Variants in FBXO33 observed in about 807,000 individuals in gnomAD.
FBXO33 encodes the protein F-box protein 33, also known as F-box only protein 33.
FBXO33 carries 22 observed loss-of-function variants against 46.3 expected under a neutral mutation model. The observed-to-expected ratio is 0.48, with a 90% CI of 0.34 to 0.68. The LOEUF (loss-of-function observed/expected upper bound fraction) is 0.68, where lower values mean the gene tolerates loss of function less well. FBXO33 is among the 30% of genes least tolerant of loss of function. The pLI, the probability that FBXO33 is intolerant of heterozygous loss-of-function variation, is 0.01. For synonymous variants in FBXO33, 337 were observed against 291.3 expected (o/e 1.16, Z -1.60); for missense variants, 692 against 708.8 (o/e 0.98, Z 0.27).
intron 1 of FBXO33, among the ~76,000 whole-genome samples, chr14:39,403,772 A>G (rs2075379723): frequency 6.6e-6 from 1 of 151,900 alleles, no homozygotes; most frequent in Admixed American, 6.6e-5. Flanking sequence ...CAACAGTGAT[A>G]CAAGATTTAA....
At chr14:39,409,852 G>A (rs1032878206) in intron 1 of FBXO33, among the ~76,000 whole-genome samples, 5 of 151,740 alleles carry the variant, frequency 3.3e-5, no homozygotes, top group Non-Finnish European at 4.4e-5. Flanking sequence ...TTAATTTCCC[G>A]TTGAATATAT....
At chr14:39,416,215 C>G (rs533757954) in intron 1 of FBXO33, among the ~76,000 whole-genome samples, 57 of 151,820 alleles carry the variant, frequency 3.8e-4, no homozygotes, top group African/African-American at 1.3e-3. Flanking sequence ...CACTCCATTT[C>G]TGAGGGATAG....
At chr14:39,427,319 T>C (rs2075520878) in intron 1 of FBXO33, among the ~76,000 whole-genome samples, 1 of 152,210 alleles carries the variant, frequency 6.6e-6, no homozygotes, top group African/African-American at 2.4e-5. Context: ...TTTGAGGCTA[T>C]CCCTAAGGAG....
chr14:39,416,405 C>A (rs921868326), intron 1 of FBXO33, among the ~76,000 whole-genome samples: 16 of 152,144 alleles, frequency 1.1e-4, no homozygotes, highest in African/African-American at 3.1e-4. Context: ...ATATCCATTT[C>A]CCTCACCAGA....
intron 1 of FBXO33, among the ~76,000 whole-genome samples, chr14:39,412,341 G>A (rs572613939): frequency 6.6e-6 from 1 of 152,058 alleles, no homozygotes; most frequent in Non-Finnish European, 1.5e-5. Flanking sequence ...TTGACTTAAA[G>A]TCTATTTTCT....
chr14:39,410,554 C>G (rs577782331), intron 1 of FBXO33, among the ~76,000 whole-genome samples: 3 of 152,196 alleles, frequency 2.0e-5, no homozygotes, highest in African/African-American at 7.2e-5. Context: ...AGTTTAGAAG[C>G]GTTCCCTCTT....
chr14:39,413,526 A>G (rs2075433393), intron 1 of FBXO33, among the ~76,000 whole-genome samples: 1 of 152,246 alleles, frequency 6.6e-6, no homozygotes, highest in Admixed American at 6.5e-5. Flanking sequence ...AATGGCATCT[A>G]GAATGGGTGA....
intron 1 of FBXO33, 112 bp from the exon 2 acceptor site, chr14:39,402,623 A>T: frequency 2.4e-6 from 1 of 419,824 alleles, no homozygotes; most frequent in Non-Finnish European, 3.9e-6. Flanking sequence ...TCTATTTTAT[A>T]ACTCAATTAG....
At position 39,416,603 on chromosome 14, in the gene FBXO33, G is replaced by A. The variant is rs561372595; in HGVS notation, c.600-14092C>T. Among the ~76,000 whole-genome samples, 169 of 151,832 alleles carry A rather than the reference G, an allele frequency of 1.1e-3. 6 individuals are homozygous for A. The South Asian group carries it at 0.034, about 30-fold the overall frequency. On this transcript the variant is annotated intron_variant, in intron 1 of 3. Transcript: ENST00000298097. ...TTTCGATTCTTTCTTCTGCTTGATC[G>A]ATTGTCAGCTGCTTATTGAACTCCT...
At chr14:39,414,508 C>T (rs952481484) in intron 1 of FBXO33, among the ~76,000 whole-genome samples, 4 of 152,226 alleles carry the variant, frequency 2.6e-5, no homozygotes, top group African/African-American at 9.7e-5. Context: ...CTGTTTGGTA[C>T]AAGAGGCCTA....
In FBXO33 at chr14:39,430,406, C is replaced by A. The variant is rs550017836; in HGVS notation, c.599+1158G>T. Reference sequence around the variant, plus strand: ...TATATAACCTTATATCTATATATATCTCCTAGCATTAAACCAGGGACTGCT... The same window carrying A: ...TATATAACCTTATATCTATATATATATCCTAGCATTAAACCAGGGACTGCT... On this transcript the variant is annotated intron_variant, in intron 1 of 3. Transcript: ENST00000298097. Among the ~76,000 whole-genome samples the A allele has an allele frequency of 2.6e-5, 4 of 152,082 alleles. No individual in the cohort carries two copies. The South Asian group carries it at 8.3e-4, about 32-fold the overall frequency.
intron 1 of FBXO33, among the ~76,000 whole-genome samples, chr14:39,428,308 C>T (rs1324689908): frequency 1.3e-5 from 2 of 152,086 alleles, no homozygotes; most frequent in East Asian, 3.9e-4. Context: ...TGACTTCAAG[C>T]GATTCTACTG....
At chr14:39,400,334 T>A (rs879375904) in intron 3 of FBXO33, among the ~76,000 whole-genome samples, 5 of 152,260 alleles carry the variant, frequency 3.3e-5, no homozygotes, top group East Asian at 3.9e-4. Context: ...AATAACTACT[T>A]CTGGGAAGGA....
chr14:39,404,387 C>T (rs1297267376), intron 1 of FBXO33, among the ~76,000 whole-genome samples: 1 of 152,098 alleles, frequency 6.6e-6, no homozygotes, highest in Non-Finnish European at 1.5e-5. Context: ...AGTGCAGTGG[C>T]ACGATCTCGG....
At chr14:39,419,007 T>C (rs1042399057) in intron 1 of FBXO33, among the ~76,000 whole-genome samples, 1 of 152,222 alleles carries the variant, frequency 6.6e-6, no homozygotes, top group African/African-American at 2.4e-5. Context: ...TCCCTATATA[T>C]GTAATGAGAG....
intron 1 of FBXO33, among the ~76,000 whole-genome samples, chr14:39,425,290 T>C (rs71407786): frequency 0.081 from 12,274 of 152,258 alleles, 671 homozygotes; most frequent in Middle Eastern, 0.16. Flanking sequence ...GTAGTAAACT[T>C]TGTTAAGTTT....
chr14:39,414,926 G>A (rs1433429810), intron 1 of FBXO33, among the ~76,000 whole-genome samples: 1 of 152,098 alleles, frequency 6.6e-6, no homozygotes, highest in African/African-American at 2.4e-5. Context: ...TTACAGGTGT[G>A]GGCAACTGTA....
chr14:39,424,597 C>CAA (rs2075501820), intron 1 of FBXO33, among the ~76,000 whole-genome samples: 1 of 152,160 alleles, frequency 6.6e-6, no homozygotes, highest in Non-Finnish European at 1.5e-5. Flanking sequence ...CCCTCTGAAA[C>CAA]AACATATTTT....
At chr14:39,427,983 G>A (rs1490155680) in intron 1 of FBXO33, among the ~76,000 whole-genome samples, 6 of 152,000 alleles carry the variant, frequency 3.9e-5, no homozygotes, top group Non-Finnish European at 1.5e-5. Flanking sequence ...TTCTTGGTAG[G>A]AAACAATACA....
Sources: allele counts gnomAD v4.1 joint callset (sites outside exome capture counted in the v4.1 genomes callset), GRCh38; gene constraint gnomAD v4.1.1; transcripts MANE v1.5; gene names NCBI Gene and HGNC (gene_info 2026-07-23, HGNC 2026-07-21).